Variants in EEFSEC observed in about 807,000 individuals in gnomAD.
The protein encoded by EEFSEC is eukaryotic elongation factor, selenocysteine-tRNA specific.
EEFSEC carries 43 observed loss-of-function variants against 42.1 expected under a neutral mutation model. The observed-to-expected ratio is 1.02, with a 90% CI of 0.80 to 1.32. The LOEUF (loss-of-function observed/expected upper bound fraction) is 1.32, where lower values mean the gene tolerates loss of function less well. EEFSEC is among the 40% of genes most tolerant of loss of function. The probability of loss-of-function intolerance (pLI) is 0.00; values close to 1 mark genes in which losing one functional copy is unlikely to be tolerated. For synonymous variants in EEFSEC, 354 were observed against 339.1 expected (o/e 1.04, Z -0.48); for missense variants, 745 against 803.6 (o/e 0.93, Z 0.88).
chr3:128,162,403 A>G (rs973941558), intron 1 of EEFSEC, among the ~76,000 whole-genome samples: 4 of 152,344 alleles, frequency 2.6e-5, no homozygotes, highest in Admixed American at 1.3e-4. Context: ...CCACTATTCA[A>G]GTACAAGTTT....
At chr3:128,276,564 G>T (rs1303905081) in intron 4 of EEFSEC, among the ~76,000 whole-genome samples, 1 of 152,210 alleles carries the variant, frequency 6.6e-6, no homozygotes, top group East Asian at 1.9e-4. Flanking sequence ...GGAAGGAAAA[G>T]AAAATAATGA....
chr3:128,161,059 A>G (rs1196215538), intron 1 of EEFSEC, among the ~76,000 whole-genome samples: 1 of 152,134 alleles, frequency 6.6e-6, no homozygotes, highest in Non-Finnish European at 1.5e-5. Context: ...AGGTCAGGGA[A>G]CCCAGTTAGT....
chr3:128,378,899 G>A (rs1237769303), intron 6 of EEFSEC, among the ~76,000 whole-genome samples: 1 of 152,206 alleles, frequency 6.6e-6, no homozygotes, highest in Non-Finnish European at 1.5e-5. Flanking sequence ...AGGCAATCCT[G>A]GGCATTCCAC....
intron 6 of EEFSEC, among the ~76,000 whole-genome samples, chr3:128,390,330 T>C (rs534886199): frequency 3.9e-5 from 6 of 152,078 alleles, no homozygotes; most frequent in Non-Finnish European, 7.4e-5. Flanking sequence ...GAGCTGGCTG[T>C]GAGATGGGCA....
chr3:128,194,180 C>T (rs1464319251), intron 1 of EEFSEC, among the ~76,000 whole-genome samples: 2 of 152,200 alleles, frequency 1.3e-5, no homozygotes. Flanking sequence ...AGACAGGGTG[C>T]CCACATGGTG....
the EEFSEC span, among the ~76,000 whole-genome samples, chr3:128,416,458 C>T: frequency 6.6e-6 from 1 of 152,200 alleles, no homozygotes; most frequent in Non-Finnish European, 1.5e-5. Flanking sequence ...CGTCTCTGCT[C>T]GGCCATGCCC....
intron 2 of EEFSEC, among the ~76,000 whole-genome samples, chr3:128,256,306 TAGA>T (rs887107575): frequency 6.6e-6 from 1 of 152,214 alleles, no homozygotes; most frequent in Non-Finnish European, 1.5e-5. Context: ...GCTACAGTAG[TAGA>T]AGATTTCTTG....
chr3:128,238,724 A>G (rs2066039053), intron 1 of EEFSEC, among the ~76,000 whole-genome samples: 1 of 152,214 alleles, frequency 6.6e-6, no homozygotes, highest in Admixed American at 6.5e-5. Flanking sequence ...TCCTGAGCTC[A>G]GGCAATCTGC....
intron 6 of EEFSEC, among the ~76,000 whole-genome samples, chr3:128,374,194 C>T (rs1448942682): frequency 6.6e-6 from 1 of 152,244 alleles, no homozygotes; most frequent in Non-Finnish European, 1.5e-5. Context: ...GTGCTGTCAT[C>T]GACTGTGTGG....
chr3:128,245,437 C>T lies in EEFSEC; in HGVS notation c.317-1399C>T, dbSNP rs2066117152. ...CCTTGACCTGGCAGAGGAGATGCTG[C>T]TGCTGCTGCTGCGTGCACCTGAGCC... On this transcript the variant is annotated intron_variant, in intron 1 of 6. Coordinates refer to ENST00000254730, the MANE Select transcript of EEFSEC (RefSeq NM_021937.5). Among the ~76,000 whole-genome samples, 2 of 152,214 alleles carry T rather than the reference C, an allele frequency of 1.3e-5. 1 individual carries two copies. The highest frequency in any genetic ancestry group is 4.1e-4 in the South Asian group (2 of 4,832).
At chr3:128,345,681 C>T (rs1471165215) in intron 5 of EEFSEC, among the ~76,000 whole-genome samples, 1 of 152,244 alleles carries the variant, frequency 6.6e-6, no homozygotes, top group African/African-American at 2.4e-5. Context: ...ATCTACTTTG[C>T]AAGCACAGTT....
intron 1 of EEFSEC, among the ~76,000 whole-genome samples, chr3:128,164,995 G>C (rs1336311131): frequency 6.6e-6 from 1 of 152,216 alleles, no homozygotes; most frequent in Non-Finnish European, 1.5e-5. Flanking sequence ...CAGGGAAAGT[G>C]GGGCTCTGGG....
intron 4 of EEFSEC, among the ~76,000 whole-genome samples, chr3:128,310,077 T>A (rs1407598568): frequency 6.6e-6 from 1 of 152,208 alleles, no homozygotes; most frequent in Non-Finnish European, 1.5e-5. Flanking sequence ...CAAAGGCAGG[T>A]GCGGTATCTG....
At chr3:128,368,011 G>A (rs888250250) in intron 6 of EEFSEC, among the ~76,000 whole-genome samples, 1 of 152,370 alleles carries the variant, frequency 6.6e-6, no homozygotes, top group Admixed American at 6.5e-5. Flanking sequence ...ATGCCCTTGG[G>A]CTGGGCCAGG....
chr3:128,238,020 A>T (rs1425918107), intron 1 of EEFSEC, among the ~76,000 whole-genome samples: 1 of 152,236 alleles, frequency 6.6e-6, no homozygotes, highest in Non-Finnish European at 1.5e-5. Context: ...TTTTGAAGTC[A>T]GACAGCCCTT....
chr3:128,248,822 A>G (rs2066154769), intron 2 of EEFSEC, among the ~76,000 whole-genome samples: 1 of 152,190 alleles, frequency 6.6e-6, no homozygotes, highest in South Asian at 2.1e-4. Flanking sequence ...GAAAATTCTC[A>G]TTTGCTTGTG....
rs1021368866 is a variant in EEFSEC, at chr3:128,298,485, G to T, written c.786+33704G>T. ...AGATACATAATAGTTGTACATATTT[G>T]GGGGCACATATGATATTTTGATACA... On this transcript the variant is annotated intron_variant, in intron 4 of 6. Coordinates refer to ENST00000254730, the MANE Select transcript of EEFSEC (RefSeq NM_021937.5). Among the ~76,000 whole-genome samples the T allele has an allele frequency of 3.3e-5, 5 of 152,244 alleles. No homozygotes were observed. In the South Asian group the frequency reaches 1.0e-3, roughly 32 times the overall value.
chr3:128,355,238 A>G (rs1049240623), intron 5 of EEFSEC, among the ~76,000 whole-genome samples: 3 of 152,320 alleles, frequency 2.0e-5, no homozygotes, highest in African/African-American at 7.2e-5. Context: ...GTCAGCTGTC[A>G]GGGATAAGAC....
chr3:128,377,289 G>A (rs576411421), intron 6 of EEFSEC, among the ~76,000 whole-genome samples: 3 of 151,606 alleles, frequency 2.0e-5, no homozygotes, highest in South Asian at 4.2e-4. Context: ...TTACTCTGTG[G>A]TCTCCAAGGG....
Sources: gnomAD v4.1 joint callset for allele counts (sites outside exome capture counted in the v4.1 genomes callset) on GRCh38, gnomAD v4.1.1 for gene constraint, MANE v1.5 for transcripts, NCBI Gene and HGNC (gene_info 2026-07-23, HGNC 2026-07-21) for gene names.